Variants in CHD9 observed in about 807,000 individuals in gnomAD.
The protein encoded by CHD9 is chromodomain helicase DNA binding protein 9.
In CHD9, 77 loss-of-function variants were observed where a neutral mutation model predicts 316.1. The ratio of observed to expected loss-of-function variants is 0.24; its 90% CI spans 0.20 to 0.29. The LOEUF (loss-of-function observed/expected upper bound fraction) is 0.29. Ranked by LOEUF, CHD9 falls within the 10% of genes least tolerant of loss-of-function variation. CHD9 has a pLI of 1.00. For synonymous variants in CHD9, 1,129 were observed against 1,158.3 expected (o/e 0.97, Z 0.51); for missense variants, 2,763 against 3,438.1 (o/e 0.80, Z 4.91).
intron 1 of CHD9, among the ~76,000 whole-genome samples, chr16:53,066,145 G>A (rs889047026): frequency 6.6e-6 from 1 of 152,112 alleles, no homozygotes; most frequent in Non-Finnish European, 1.5e-5. Context: ...TCACTTACTG[G>A]TTGTGTGTGA....
intron 28 of CHD9, among the ~76,000 whole-genome samples, chr16:53,292,365 G>A (rs1020711084): frequency 3.3e-5 from 5 of 152,112 alleles, no homozygotes; most frequent in Admixed American, 2.0e-4. Flanking sequence ...TACTTACTAG[G>A]TGGATAAAAC....
chr16:53,208,755 C>T (rs912873906), intron 2 of CHD9: 6 of 965,936 alleles, frequency 6.2e-6, no homozygotes, highest in Admixed American at 6.2e-5. Flanking sequence ...TGGATGAATG[C>T]GTGTTTGAAG....
chr16:53,227,353 T>A (rs756137024), intron 5 of CHD9, 43 bp from the exon 6 acceptor site: 10 of 1,337,962 alleles, frequency 7.5e-6, no homozygotes, highest in Non-Finnish European at 1.0e-5. Flanking sequence ...TAAAAGATCT[T>A]TCAGAATGTG....
intron 12 of CHD9, among the ~76,000 whole-genome samples, chr16:53,239,267 G>T (rs2048885172): frequency 6.6e-6 from 1 of 151,906 alleles, no homozygotes; most frequent in Non-Finnish European, 1.5e-5. Flanking sequence ...GACACCTTAA[G>T]AATTTTCTAG....
chr16:53,082,308 G>C (rs1435559529), intron 1 of CHD9, among the ~76,000 whole-genome samples: 1 of 151,318 alleles, frequency 6.6e-6, no homozygotes, highest in African/African-American at 2.4e-5. Flanking sequence ...CGTGATCTTG[G>C]CTCACTGCAG....
chr16:53,098,981 ACTGT>A (rs1209551727), intron 1 of CHD9, among the ~76,000 whole-genome samples: 3 of 152,140 alleles, frequency 2.0e-5, no homozygotes, highest in Non-Finnish European at 4.4e-5. Flanking sequence ...AAGGAAGCCT[ACTGT>A]CTGTCTCCAG....
chr16:53,118,700 C>CA (rs2038502642), intron 1 of CHD9, among the ~76,000 whole-genome samples: 1 of 151,498 alleles, frequency 6.6e-6, no homozygotes, highest in Admixed American at 6.6e-5. Context: ...CCAAGAATTC[C>CA]AAAAATCTCC....
At chr16:53,260,577 G>A (rs183576868) in intron 19 of CHD9, among the ~76,000 whole-genome samples, 22 of 152,190 alleles carry the variant, frequency 1.4e-4, no homozygotes, top group Admixed American at 6.5e-4. Flanking sequence ...TTATTACAAA[G>A]CCCATGAGGT....
At chr16:53,098,568 A>T (rs554540263) in intron 1 of CHD9, among the ~76,000 whole-genome samples, 1 of 151,926 alleles carries the variant, frequency 6.6e-6, no homozygotes, top group Non-Finnish European at 1.5e-5. Flanking sequence ...TGACCTGGAG[A>T]CCCGAAACAA....
At chr16:53,272,353 G>GAA (rs1005497436) in intron 22 of CHD9, among the ~76,000 whole-genome samples, 7 of 144,830 alleles carry the variant, frequency 4.8e-5, no homozygotes, top group Admixed American at 2.1e-4. Flanking sequence ...AAAGGCAAAA[G>GAA]AAAAAAAAAA....
intron 12 of CHD9, among the ~76,000 whole-genome samples, chr16:53,240,282 A>G (rs1474893683): frequency 6.6e-6 from 1 of 152,178 alleles, no homozygotes; most frequent in Admixed American, 6.6e-5. Context: ...ATTTAATTTG[A>G]CATTCTCATT....
intron 21 of CHD9, 149 bp from the exon 22 acceptor site, chr16:53,267,778 C>A: frequency 1.5e-6 from 1 of 652,348 alleles, no homozygotes; most frequent in Admixed American, 3.0e-5. Context: ...AATTACTATA[C>A]CATTCCTCTA....
At chr16:53,201,505 C>T (rs544765368) in intron 2 of CHD9, among the ~76,000 whole-genome samples, 3 of 152,126 alleles carry the variant, frequency 2.0e-5, no homozygotes, top group East Asian at 1.9e-4. Flanking sequence ...CCTATAACAC[C>T]GTTGATAATC....
intron 24 of CHD9, among the ~76,000 whole-genome samples, chr16:53,282,777 T>C (rs535920256): frequency 6.6e-6 from 1 of 152,310 alleles, no homozygotes; most frequent in East Asian, 1.9e-4. Flanking sequence ...TACTTTACCT[T>C]TGTTGACCAC....
At chr16:53,170,063 GT>G (rs375309283) in intron 2 of CHD9, among the ~76,000 whole-genome samples, 5,253 of 132,012 alleles carry the variant, frequency 0.04, 114 homozygotes, top group South Asian at 0.088. Flanking sequence ...TTTTTTGTTT[GT>G]TTTTTTTTGG....
intron 3 of CHD9, among the ~76,000 whole-genome samples, chr16:53,211,563 A>G (rs2046336820): frequency 6.6e-6 from 1 of 152,158 alleles, no homozygotes; most frequent in Non-Finnish European, 1.5e-5. Context: ...TAAAATATTG[A>G]GTAGTTGCTA....
chr16:53,245,356 T>C lies in CHD9; in HGVS notation c.3075T>C (p.Thr1025=). Residue 1025 remains threonine (T), a synonymous_variant, in exon 14 of 39, where the codon ACT becomes ACC. Coordinates refer to ENST00000447540, the MANE Select transcript of CHD9 (RefSeq NM_001308319.2). The surrounding 1 kb of genome is among the most constrained non-coding windows in gnomAD (Gnocchi z 4.1). ...LMNLEHKVLL[T]GTPLQNTVEE... The stretch of plus-strand genomic sequence containing the variant: ...TGTAGGAACACAAGGTGCTTTTGAC[T>C]GGCACCCCTCTCCAAAATACAGTTG... The C allele has an allele frequency of 1.3e-6, 2 of 1,552,480 alleles. No individual in the cohort carries two copies. The highest frequency in any genetic ancestry group is 8.7e-7 in the Non-Finnish European group (1 of 1,150,774).
At chr16:53,191,605 T>A (rs528225218) in intron 2 of CHD9, among the ~76,000 whole-genome samples, 24 of 152,126 alleles carry the variant, frequency 1.6e-4, no homozygotes, top group Non-Finnish European at 3.1e-4. Flanking sequence ...AAGGCAGTAG[T>A]TTGTTCCTTT....
intron 16 of CHD9, among the ~76,000 whole-genome samples, chr16:53,248,552 G>T (rs1215077440): frequency 1.5e-5 from 2 of 134,144 alleles, no homozygotes; most frequent in East Asian, 2.2e-4. Flanking sequence ...TGAAGACAGG[G>T]TCTCACTGTG....
Sources: allele counts gnomAD v4.1 joint callset (sites outside exome capture counted in the v4.1 genomes callset), GRCh38; gene constraint gnomAD v4.1.1; non-coding constraint Gnocchi (gnomAD v3.1); transcripts MANE v1.5; gene names NCBI Gene and HGNC (gene_info 2026-07-23, HGNC 2026-07-21).